PIGU: variants seen among roughly 807,000 people sequenced by gnomAD.
PIGU encodes the protein phosphatidylinositol glycan anchor biosynthesis class U.
PIGU carries 24 observed loss-of-function variants against 49.9 expected under a neutral mutation model. That is an observed-to-expected ratio of 0.48 (90% CI 0.35 to 0.68). The LOEUF (loss-of-function observed/expected upper bound fraction) is 0.68. PIGU is among the 30% of genes least tolerant of loss of function. PIGU has a pLI of 0.01. For synonymous variants in PIGU, 220 were observed against 205.7 expected (o/e 1.07, Z -0.59); for missense variants, 490 against 532.6 (o/e 0.92, Z 0.79).
intron 11 of PIGU, among the ~76,000 whole-genome samples, chr20:34,562,267 C>T (rs1167955999): frequency 6.6e-6 from 1 of 152,230 alleles, no homozygotes; most frequent in Non-Finnish European, 1.5e-5. Context: ...ACACTACAGA[C>T]ACCGCAGCTC....
intron 11 of PIGU, among the ~76,000 whole-genome samples, chr20:34,561,990 G>A (rs573097275): frequency 1.3e-5 from 2 of 152,178 alleles, no homozygotes; most frequent in African/African-American, 4.8e-5. Context: ...CAGGGTCTTC[G>A]AATGGTTCTG....
At chr20:34,613,250 C>T (rs1984887153) in intron 7 of PIGU, among the ~76,000 whole-genome samples, 1 of 152,152 alleles carries the variant, frequency 6.6e-6, no homozygotes, top group Non-Finnish European at 1.5e-5. Flanking sequence ...CTCCCATCTA[C>T]CCGACAAGCT....
chr20:34,606,391 A>G (rs969999571), intron 7 of PIGU, among the ~76,000 whole-genome samples: 2 of 151,776 alleles, frequency 1.3e-5, no homozygotes, highest in African/African-American at 4.8e-5. Flanking sequence ...CTCCCATTGC[A>G]TTCAGTTATT....
At chr20:34,676,910 G>A (rs1302317189) in intron 1 of PIGU, 46 bp downstream of exon 1, 6 of 1,553,768 alleles carry the variant, frequency 3.9e-6, no homozygotes, top group Non-Finnish European at 5.2e-6. Context: ...AGAGGCCGCG[G>A]GAGGGCAGGT....
At chr20:34,631,806 T>A (rs1600644510) in intron 6 of PIGU, among the ~76,000 whole-genome samples, 2 of 57,622 alleles carry the variant, frequency 3.5e-5, no homozygotes, top group Non-Finnish European at 6.6e-5. Flanking sequence ...TTTTTTTTTT[T>A]TTTTTTTTTT....
At chr20:34,664,227 C>A (rs1224063967) in intron 1 of PIGU, among the ~76,000 whole-genome samples, 2 of 152,100 alleles carry the variant, frequency 1.3e-5, no homozygotes, top group African/African-American at 2.4e-5. Context: ...CATAGCTCAT[C>A]GCAGCCTCAA....
At chr20:34,617,980 A>G (rs1246754290) in intron 6 of PIGU, among the ~76,000 whole-genome samples, 1 of 152,096 alleles carries the variant, frequency 6.6e-6, no homozygotes, top group African/African-American at 2.4e-5. Context: ...TGCCACCACC[A>G]TGTAAGAAAT....
At chr20:34,561,905 C>T (rs952976600) in intron 11 of PIGU, among the ~76,000 whole-genome samples, 2 of 152,146 alleles carry the variant, frequency 1.3e-5, no homozygotes, top group African/African-American at 4.8e-5. Context: ...ATAACAGACT[C>T]ATCGAAAGTG....
intron 1 of PIGU, among the ~76,000 whole-genome samples, chr20:34,657,905 CTG>C (rs970429537): frequency 3.3e-5 from 5 of 152,150 alleles, no homozygotes; most frequent in African/African-American, 1.2e-4. Flanking sequence ...TAAAATTATA[CTG>C]TGTTATAAAT....
intron 2 of PIGU, among the ~76,000 whole-genome samples, chr20:34,647,694 T>C (rs1266846691): frequency 3.3e-5 from 5 of 152,200 alleles, no homozygotes; most frequent in Non-Finnish European, 7.3e-5. Context: ...AATTTCTTTC[T>C]GGCTTAACTC....
chr20:34,620,564 C>A (rs1347526004), intron 6 of PIGU, among the ~76,000 whole-genome samples: 1 of 152,132 alleles, frequency 6.6e-6, no homozygotes, highest in African/African-American at 2.4e-5. Context: ...GTAATCCCAG[C>A]ACTTTGGGAG....
chr20:34,622,012 G>A (rs944859696), intron 6 of PIGU, among the ~76,000 whole-genome samples: 2 of 152,118 alleles, frequency 1.3e-5, no homozygotes, highest in Admixed American at 1.3e-4. Context: ...GTGCTGGGGT[G>A]GGGCTGTGTG....
rs549250744 is a variant in PIGU, at chr20:34,658,755, G to A, written c.131-1511C>T. Among the ~76,000 whole-genome samples, 7 of 148,182 alleles carry A rather than the reference G, an allele frequency of 4.7e-5. No homozygotes were observed. In the East Asian group the frequency reaches 6.2e-4, roughly 13 times the overall value. ...TGAGAAGTGAGGAGCCCCTCCGCCC[G>A]GCAGCCGCCCCGTCTGAGAAGTGAG... On this transcript the variant is annotated intron_variant, in intron 1 of 11. Transcript: ENST00000217446.
intron 6 of PIGU, among the ~76,000 whole-genome samples, chr20:34,616,414 T>C (rs775864683): frequency 2.0e-5 from 3 of 152,176 alleles, no homozygotes; most frequent in Non-Finnish European, 4.4e-5. Context: ...AGAACGATTT[T>C]ACAAAATTTC....
chr20:34,584,131 G>C (rs544069740), intron 9 of PIGU, among the ~76,000 whole-genome samples: 1 of 152,240 alleles, frequency 6.6e-6, no homozygotes, highest in African/African-American at 2.4e-5. Flanking sequence ...CAGCTCCACT[G>C]CTTACTAGCT....
At chr20:34,592,305 A>G (rs1023541467) in intron 7 of PIGU, among the ~76,000 whole-genome samples, 7 of 152,054 alleles carry the variant, frequency 4.6e-5, no homozygotes, top group Admixed American at 1.3e-4. Flanking sequence ...ACCCCAAAAG[A>G]AGGAAGAAAA....
intron 1 of PIGU, among the ~76,000 whole-genome samples, chr20:34,673,767 C>T (rs1987388407): frequency 6.6e-6 from 1 of 152,144 alleles, no homozygotes; most frequent in South Asian, 2.1e-4. Flanking sequence ...AGAATTCATA[C>T]AGCTTGGCCG....
chr20:34,596,871 G>T (rs1183954272), intron 7 of PIGU, among the ~76,000 whole-genome samples: 4 of 152,078 alleles, frequency 2.6e-5, no homozygotes, highest in Admixed American at 6.6e-5. Context: ...AAATTTTAAA[G>T]ATATCTTATT....
At chr20:34,673,115 G>C (rs1265081853) in intron 1 of PIGU, among the ~76,000 whole-genome samples, 1 of 151,836 alleles carries the variant, frequency 6.6e-6, no homozygotes, top group African/African-American at 2.4e-5. Flanking sequence ...TTAACCGGGT[G>C]TGGTGGCGGG....
Sources: gnomAD v4.1 joint callset for allele counts (sites outside exome capture counted in the v4.1 genomes callset) on GRCh38, gnomAD v4.1.1 for gene constraint, MANE v1.5 for transcripts, NCBI Gene and HGNC (gene_info 2026-07-23, HGNC 2026-07-21) for gene names.